The following ACOT7 variants were observed in gnomAD, a reference collection of about 807,000 sequenced individuals.
ACOT7 encodes acyl-CoA thioesterase 7, also known as cytosolic acyl coenzyme A thioester hydrolase.
ACOT7 carries 12 observed loss-of-function variants against 40.2 expected under a neutral mutation model. That is an observed-to-expected ratio of 0.30 (90% CI 0.19 to 0.48). The LOEUF is 0.48. ACOT7 is among the 20% of genes least tolerant of loss of function. The probability of loss-of-function intolerance (pLI) is 0.99; values close to 1 mark genes in which losing one functional copy is unlikely to be tolerated. For missense variants in ACOT7, 395 were observed against 530.8 expected (o/e 0.74, Z 2.51); for synonymous variants, 228 against 219.5 (o/e 1.04, Z -0.34).
chr1:6,314,111 T>C (rs1479950203), intron 6 of ACOT7, among the ~76,000 whole-genome samples: 1 of 152,178 alleles, frequency 6.6e-6, no homozygotes, highest in Non-Finnish European at 1.5e-5. Flanking sequence ...AGGCAGACTG[T>C]ACTGAGAGCA....
At position 6,359,192 on chromosome 1, in the gene ACOT7, T is replaced by C; in HGVS notation, c.144-9326A>G. ...GAAGCGGCTATGAGGCTCTGCCTTC[T>C]CTGACAGGGCACAAGACCCCCTAGT... On this transcript the variant is annotated intron_variant, in intron 1 of 8. Coordinates refer to ENST00000361521, the MANE Select transcript of ACOT7 (RefSeq NM_007274.4). This position sits in a 1 kb window ranked among gnomAD's most constrained non-coding sequence, Gnocchi z 4.1. 1 of 230,552 alleles carries C rather than the reference T, an allele frequency of 4.3e-6. No homozygotes were observed. The highest frequency in any genetic ancestry group is 8.6e-6 in the Non-Finnish European group (1 of 115,660). 14.3% of individuals were successfully genotyped at this position (230,552 alleles called of 1,614,324 possible). A position where few individuals can be genotyped will look rare whatever the true frequency, so the allele number is the denominator to read the frequency against.
chr1:6,279,748 G>A (rs1639299269), intron 8 of ACOT7, among the ~76,000 whole-genome samples: 1 of 152,176 alleles, frequency 6.6e-6, no homozygotes, highest in African/African-American at 2.4e-5. Context: ...TACTCGCTGG[G>A]CCTGACAGCT....
At position 6,289,108 on chromosome 1, in the gene ACOT7, A is replaced by AT. The variant is rs947776556; in HGVS notation, c.829+5755dup. ...CACTGTTTTCTGGTTATTTTATTTTATTTTTTTTTGAGACGGAGTCTCGCT... is the reference window on the plus strand; with the variant it reads ...CACTGTTTTCTGGTTATTTTATTTTATTTTTTTTTTGAGACGGAGTCTCGCT... On this transcript the variant is annotated intron_variant, in intron 7 of 8. Coordinates refer to ENST00000361521, the MANE Select transcript of ACOT7 (RefSeq NM_007274.4). This position sits in a 1 kb window ranked among gnomAD's most constrained non-coding sequence, Gnocchi z 4.6. Among the ~76,000 whole-genome samples the AT allele has an allele frequency of 2.4e-4, 36 of 151,106 alleles. No individual in the cohort carries two copies. The highest frequency in any genetic ancestry group is 1.1e-3 in the South Asian group (5 of 4,748).
intron 1 of ACOT7, among the ~76,000 whole-genome samples, chr1:6,385,035 AG>A (rs1369760333): frequency 6.6e-6 from 1 of 151,988 alleles, no homozygotes; most frequent in Non-Finnish European, 1.5e-5. Flanking sequence ...GCCATCTGTA[AG>A]CAGCTCAACA....
At position 6,358,345 on chromosome 1, in the gene ACOT7, C is replaced by T. The variant is rs1641805842; in HGVS notation, c.144-8479G>A. On this transcript the variant is annotated intron_variant, in intron 1 of 8. Transcript: ENST00000361521. This position sits in a 1 kb window ranked among gnomAD's most constrained non-coding sequence, Gnocchi z 4.1. ...GACGGGGGAAGAGGCCAACAATGGC[C>T]CTGAGCTCCCAGCCTCCATTTTGGC... 6.6e-6 allele frequency among the ~76,000 whole-genome samples: 1 copy of T among 152,106 alleles called. No individual in the cohort carries two copies. Among genetic ancestry groups the T allele is most frequent in the African/African-American group, 2.4e-5 (1 of 41,418 alleles).
chr1:6,390,358 G>C (rs894468664), intron 1 of ACOT7, among the ~76,000 whole-genome samples: 1 of 151,988 alleles, frequency 6.6e-6, no homozygotes, highest in African/African-American at 2.4e-5. Context: ...GATCATCTAA[G>C]GTCAGGAGTT....
In ACOT7 at chr1:6,288,978, C is replaced by A. The variant is rs1300250967; in HGVS notation, c.829+5886G>T. Among the ~76,000 whole-genome samples, 5 of 152,202 alleles carry A rather than the reference C, an allele frequency of 3.3e-5. No homozygotes were observed. Among genetic ancestry groups the A allele is most frequent in the Admixed American group, 2.0e-4 (3 of 15,288 alleles). On this transcript the variant is annotated intron_variant, in intron 7 of 8. Transcript: ENST00000361521. The surrounding 1 kb of genome is among the most constrained non-coding windows in gnomAD (Gnocchi z 4.3). The stretch of plus-strand genomic sequence containing the variant: ...AATATCGCATAAAAGGTCACTCTCC[C>A]AAGGAGGCAGTTTTACGGGAGGCTG...
At position 6,393,541 on chromosome 1, in the gene ACOT7, G is replaced by T; in HGVS notation, c.-142C>A. The T allele has an allele frequency of 1.4e-6, 1 of 722,694 alleles. No individual in the cohort carries two copies. The highest frequency in any genetic ancestry group is 1.9e-6 in the Non-Finnish European group (1 of 535,042). The allele number at this position is 722,694 out of a possible 1,614,324, so 44.8% of individuals were successfully genotyped here. A position where few individuals can be genotyped will look rare whatever the true frequency, so the allele number is the denominator to read the frequency against. ...CCCCGCCTCCCAGGCCGCCAAGGCTGCAGAGAGCTCGCGCGGGCGTACGAT... is the reference window on the plus strand; with the variant it reads ...CCCCGCCTCCCAGGCCGCCAAGGCTTCAGAGAGCTCGCGCGGGCGTACGAT... On this transcript the variant is annotated 5_prime_UTR_variant, in exon 1 of 9. Coordinates refer to ENST00000361521, the MANE Select transcript of ACOT7 (RefSeq NM_007274.4).
chr1:6,308,456 A>C (rs1640229686), intron 6 of ACOT7, among the ~76,000 whole-genome samples: 1 of 150,740 alleles, frequency 6.6e-6, no homozygotes, highest in Non-Finnish European at 1.5e-5. Flanking sequence ...AACCACGACC[A>C]GGTGGAGAGA....
rs1390140001 is a variant in ACOT7 at position 6,322,852 on chromosome 1, C to T, written c.626-4274G>A. Among the ~76,000 whole-genome samples the T allele has an allele frequency of 2.6e-5, 4 of 152,244 alleles. No individual in the cohort carries two copies. The East Asian group carries it at 7.7e-4, about 29-fold the overall frequency. On this transcript the variant is annotated intron_variant, in intron 5 of 8. Transcript: ENST00000361521. ...AAAGCCTCGGAAATGACACTGGGGC[C>T]GGGCGCAGTGGCTCATGCCTGTAAT...
intron 6 of ACOT7, among the ~76,000 whole-genome samples, chr1:6,304,178 C>A (rs1640050144): frequency 6.6e-6 from 1 of 152,100 alleles, no homozygotes; most frequent in Non-Finnish European, 1.5e-5. Context: ...CAGTTTCCTT[C>A]CAAGAGTCCA....
chr1:6,386,990 C>T (rs549565123), intron 1 of ACOT7, among the ~76,000 whole-genome samples: 1 of 152,212 alleles, frequency 6.6e-6, no homozygotes, highest in Non-Finnish European at 1.5e-5. Flanking sequence ...TTGTGAACTT[C>T]ATTCACAAGA....
intron 1 of ACOT7, 67 bp from the exon 2 acceptor site, chr1:6,349,933 A>G (rs1384560358): frequency 1.3e-6 from 2 of 1,506,926 alleles, no homozygotes; most frequent in Non-Finnish European, 1.8e-6. Context: ...GTGACAATCC[A>G]AGGAGGGGAG....
intron 1 of ACOT7, among the ~76,000 whole-genome samples, chr1:6,351,055 T>C (rs2148456823): frequency 6.6e-6 from 1 of 152,364 alleles, no homozygotes; most frequent in South Asian, 2.1e-4. Flanking sequence ...TTTCCCTTTT[T>C]GGTAAGTATT....
rs148791719 is a variant in ACOT7 at position 6,366,250 on chromosome 1, A to G, written c.144-16384T>C. 2.7e-3 allele frequency among the ~76,000 whole-genome samples: 418 copies of G among 152,072 alleles called. 2 individuals carry two copies. Among genetic ancestry groups the G allele is most frequent in the Middle Eastern group, 0.01 (3 of 292 alleles). On this transcript the variant is annotated intron_variant, in intron 1 of 8. Transcript: ENST00000361521. ...TGGCAGTTCCTTAAAATAAGACAAC[A>G]ATGACATTGACCACATCAATTGACC...
intron 6 of ACOT7, among the ~76,000 whole-genome samples, chr1:6,304,274 G>A (rs555051798): frequency 2.1e-5 from 3 of 140,290 alleles, no homozygotes; most frequent in African/African-American, 5.3e-5. Context: ...TGCCCCTGGC[G>A]ACCACAGCTA....
Position 6,393,342 on chromosome 1 carries a change from G to A in ACOT7, c.58C>T (p.Leu20=), listed in dbSNP as rs1642567416. ...APGLPDTCAL[L]QPPAASAAAA... is the part of the protein sequence containing the mutation. ...GCGGCGGATGCGGCGGGCGGCTGCA[G>A]AAGGGCGCAGGTGTCTGGCAGGCCC... Residue 20 remains leucine (L), a synonymous_variant, in exon 1 of 9, where the codon CTG becomes TTG. Coordinates refer to ENST00000361521, the MANE Select transcript of ACOT7 (RefSeq NM_007274.4). 3 of 1,254,614 alleles carry A rather than the reference G, an allele frequency of 2.4e-6. No individual in the cohort carries two copies. Among genetic ancestry groups the A allele is most frequent in the South Asian group, 3.8e-5 (1 of 26,606 alleles). 77.7% of individuals were successfully genotyped at this position (1,254,614 alleles called of 1,614,324 possible).
rs1553157800 is a variant in ACOT7, at chr1:6,311,456, GGGTCA to G, written c.712+7031_712+7035del. Among the ~76,000 whole-genome samples, 1 of 152,176 alleles carries G rather than the reference GGGTCA, an allele frequency of 6.6e-6. No individual in the cohort carries two copies. Among genetic ancestry groups the G allele is most frequent in the Non-Finnish European group, 1.5e-5 (1 of 68,030 alleles). Reference sequence around the variant, plus strand: ...AGGTGCGGTGTTGGGGGTGCCAGCCGGGTCAGTTCCCCCAACAAAACCGGTCCAGG... The same window carrying G: ...AGGTGCGGTGTTGGGGGTGCCAGCCGGTTCCCCCAACAAAACCGGTCCAGG... On this transcript the variant is annotated intron_variant, in intron 6 of 8. Transcript: ENST00000361521. The surrounding 1 kb of genome is among the most constrained non-coding windows in gnomAD (Gnocchi z 5.2).
intron 1 of ACOT7, among the ~76,000 whole-genome samples, chr1:6,365,638 G>A (rs916652902): frequency 2.0e-5 from 3 of 151,514 alleles, no homozygotes; most frequent in African/African-American, 4.8e-5. Flanking sequence ...CATGGTAGTG[G>A]GCGCCTGTAG....
Sources: allele counts gnomAD v4.1 joint callset (sites outside exome capture counted in the v4.1 genomes callset), GRCh38; gene constraint gnomAD v4.1.1; non-coding constraint Gnocchi (gnomAD v3.1); transcripts MANE v1.5; gene names NCBI Gene and HGNC (gene_info 2026-07-23, HGNC 2026-07-21).